The following IPO5 variants were observed in gnomAD, a reference collection of about 807,000 sequenced individuals.
The protein encoded by IPO5 is importin-5.
In IPO5, 18 loss-of-function variants were observed where a neutral mutation model predicts 143.3. The observed-to-expected ratio is 0.13, with a 90% CI of 0.09 to 0.19. The LOEUF is 0.19. IPO5 is among the 10% of genes least tolerant of loss of function. The pLI is 1.00. For synonymous variants in IPO5, 477 were observed against 465.7 expected (o/e 1.02, Z -0.31); for missense variants, 1,013 against 1,336.9 (o/e 0.76, Z 3.78).
chr13:97,977,911 A>G (rs1256514879), intron 4 of IPO5, among the ~76,000 whole-genome samples: 2 of 152,198 alleles, frequency 1.3e-5, no homozygotes, highest in Admixed American at 6.5e-5. Flanking sequence ...CATATAGCCA[A>G]TGAAATTGAC....
At chr13:97,981,249 T>A (rs1286977471) in intron 4 of IPO5, 2 of 456,080 alleles carry the variant, frequency 4.4e-6, no homozygotes, top group African/African-American at 4.0e-5. Context: ...CAGACAGATA[T>A]GTTTGAAAAG....
At chr13:98,003,314 C>T (rs1888953873) in intron 16 of IPO5, among the ~76,000 whole-genome samples, 1 of 152,052 alleles carries the variant, frequency 6.6e-6, no homozygotes, top group Non-Finnish European at 1.5e-5. Flanking sequence ...AGTTTTTGAA[C>T]TCTGATTTAT....
At chr13:97,983,133 A>C (rs1190864372) in intron 5 of IPO5, among the ~76,000 whole-genome samples, 2 of 152,212 alleles carry the variant, frequency 1.3e-5, no homozygotes, top group Admixed American at 1.3e-4. Context: ...AGCCTCCGAA[A>C]GTGCTGGGAT....
rs1890584902 is a variant in IPO5, at chr13:98,022,984, T to C, written c.*1162T>C. The C allele has an allele frequency of 6.5e-6, 1 of 152,688 alleles. No individual in the cohort carries two copies. The highest frequency in any genetic ancestry group is 1.5e-5 in the Non-Finnish European group (1 of 68,044). 9.5% of individuals were successfully genotyped at this position (152,688 alleles called of 1,614,324 possible). ...TAGACTTCTGTTGAAAACTTCAGTGTTAACATTTTTATAGTTTGTACTAAA... is the reference window on the plus strand; with the variant it reads ...TAGACTTCTGTTGAAAACTTCAGTGCTAACATTTTTATAGTTTGTACTAAA... On this transcript the variant is annotated 3_prime_UTR_variant, in exon 29 of 29. Transcript: ENST00000651721.
At position 97,989,048 on chromosome 13, in the gene IPO5, T is replaced by G. The variant is rs1254123878; in HGVS notation, c.365-14T>G. The G allele has an allele frequency of 6.6e-7, 1 of 1,508,126 alleles. No individual in the cohort carries two copies. The highest frequency in any genetic ancestry group is 1.4e-5 in the African/African-American group (1 of 72,602). 93.4% of individuals were successfully genotyped at this position (1,508,126 alleles called of 1,614,324 possible). ...GACTTACACAACTTTATGTCTGGAT[T>G]TCTTTACTTTCAGATGAGGATGGCA... On this transcript the variant is annotated splice_polypyrimidine_tract_variant and intron_variant, in intron 6 of 28. Coordinates refer to ENST00000651721, the MANE Select transcript of IPO5 (RefSeq NM_002271.6).
Position 98,009,978 on chromosome 13 carries a change from C to T in IPO5, c.1898C>T (p.Thr633Met), listed in dbSNP as rs1889566550. 6.2e-7 allele frequency: 1 copy of T among 1,614,020 alleles called. No homozygotes were observed. Among genetic ancestry groups the T allele is most frequent in the East Asian group, 2.2e-5 (1 of 44,868 alleles). ...LPVVMGPLMK[T>M]ASIKPEVALL... ...GTGGTTATGGGGCCTTTAATGAAGA[C>T]GGCTTCAATTAAGCCCGAAGTAGCC... The change falls in exon 19 of 29, where the codon ACG (threonine) becomes ATG (methionine). Residue 633 changes from threonine (T) to methionine (M), a missense_variant. Coordinates refer to ENST00000651721, the MANE Select transcript of IPO5 (RefSeq NM_002271.6).
At position 97,966,328 on chromosome 13, in the gene IPO5, G is replaced by A. The variant is rs527398847; in HGVS notation, c.-112-3395G>A. 3.8e-4 allele frequency among the ~76,000 whole-genome samples: 58 copies of A among 152,112 alleles called. No homozygotes were observed. In the South Asian group the frequency reaches 0.01, roughly 27 times the overall value. ...CCTCTTTATTCCTAGTTTGTTGAGC[G>A]TTTTAATAATGAAAAGGGATTGGAT... On this transcript the variant is annotated intron_variant, in intron 2 of 28. Coordinates refer to ENST00000651721, the MANE Select transcript of IPO5 (RefSeq NM_002271.6).
rs575958357 is a variant in IPO5, at chr13:97,976,424, G to A, written c.-4-269G>A. On this transcript the variant is annotated intron_variant, in intron 3 of 28. Coordinates refer to ENST00000651721, the MANE Select transcript of IPO5 (RefSeq NM_002271.6). ...CGCAGGGTGCGTGGCCAATCAGCGC[G>A]GCCCCCGAGGAGGCGTCCTCGGCCC... 55 of 151,974 alleles carry A rather than the reference G, an allele frequency of 3.6e-4. 1 individual carries two copies. The East Asian group carries it at 0.01, about 29-fold the overall frequency. 9.4% of individuals were successfully genotyped at this position (151,974 alleles called of 1,614,324 possible).
chr13:97,978,788 C>T (rs7993717), intron 4 of IPO5, among the ~76,000 whole-genome samples: 83,762 of 151,974 alleles, frequency 0.55, 24,204 homozygotes, highest in African/African-American at 0.73. Context: ...GAACTAAATA[C>T]CAGTGTCTGG....
intron 4 of IPO5, chr13:97,977,046 G>GC: frequency 5.1e-6 from 1 of 197,672 alleles, no homozygotes; most frequent in Non-Finnish European, 1.1e-5. Flanking sequence ...CTCCCGACGC[G>GC]CCCCCGTCCA....
intron 2 of IPO5, among the ~76,000 whole-genome samples, chr13:97,960,792 C>A (rs1185057599): frequency 2.0e-5 from 3 of 152,162 alleles, no homozygotes; most frequent in Admixed American, 6.5e-5. Context: ...CTCCTGACCT[C>A]AGGTGATCCA....
rs113369072 is a variant in IPO5, at chr13:98,000,144, G to T, written c.1002-395G>T. On this transcript the variant is annotated intron_variant, in intron 12 of 28. Transcript: ENST00000651721. ...CTAAAACTACAAAAAAATTAGCCAG[G>T]CGTGGTGGCGGGCACCTGTAGTCCC... Among the ~76,000 whole-genome samples, 829 of 152,220 alleles carry T rather than the reference G, an allele frequency of 5.4e-3. 6 individuals carry two copies. The highest frequency in any genetic ancestry group is 0.019 in the African/African-American group (791 of 41,522).
chr13:97,989,006 T>C (rs1887603131), intron 6 of IPO5, 56 bp from the exon 7 acceptor site: 4 of 911,770 alleles, frequency 4.4e-6, no homozygotes, highest in Admixed American at 3.6e-5. Flanking sequence ...GATTTACTCC[T>C]AGTATATTGA....
chr13:98,004,621 C>A (rs1416784654), intron 16 of IPO5, among the ~76,000 whole-genome samples: 1 of 152,030 alleles, frequency 6.6e-6, no homozygotes, highest in Non-Finnish European at 1.5e-5. Flanking sequence ...GGACAGTGTT[C>A]ACGAGGAAGA....
chr13:97,980,826 CAAAA>C (rs374921610), intron 4 of IPO5, among the ~76,000 whole-genome samples: 3 of 108,796 alleles, frequency 2.8e-5, no homozygotes, highest in Non-Finnish European at 3.6e-5. Flanking sequence ...GACTCTATCT[CAAAA>C]AAAAAAAAAA....
At position 98,019,923 on chromosome 13, in the gene IPO5, T is replaced by C. The variant is rs555212947; in HGVS notation, c.3065+114T>C. 7.3e-5 allele frequency: 48 copies of C among 660,542 alleles called. No individual in the cohort carries two copies. The African/African-American group carries it at 7.4e-4, about 10-fold the overall frequency. 40.9% of individuals were successfully genotyped at this position (660,542 alleles called of 1,614,324 possible). A position where few individuals can be genotyped will look rare whatever the true frequency, so the allele number is the denominator to read the frequency against. On this transcript the variant is annotated intron_variant, in intron 27 of 28. Transcript: ENST00000651721. ...CACATGATCTCTGCACAGTCCTCAG[T>C]TGTATAGGTTTATAATAGTGCTGTC...
chr13:97,977,590 G>C (rs1214186261), intron 4 of IPO5, among the ~76,000 whole-genome samples: 1 of 152,140 alleles, frequency 6.6e-6, no homozygotes, highest in Non-Finnish European at 1.5e-5. Flanking sequence ...AAATCTAACC[G>C]TAATCTCTTT....
intron 25 of IPO5, among the ~76,000 whole-genome samples, chr13:98,017,714 C>T (rs1438322799): frequency 1.3e-5 from 2 of 152,216 alleles, no homozygotes; most frequent in Admixed American, 6.5e-5. Context: ...ATTAACACCC[C>T]CCATCACAGT....
intron 2 of IPO5, among the ~76,000 whole-genome samples, chr13:97,966,940 G>A (rs1403353963): frequency 6.6e-6 from 1 of 152,132 alleles, no homozygotes. Flanking sequence ...GGAGGCTGAG[G>A]CAGGAGAATT....
Sources: allele counts gnomAD v4.1 joint callset (sites outside exome capture counted in the v4.1 genomes callset), GRCh38; gene constraint gnomAD v4.1.1; transcripts MANE v1.5; gene names NCBI Gene and HGNC (gene_info 2026-07-23, HGNC 2026-07-21).